TRAPPC9: variants seen among roughly 807,000 people sequenced by gnomAD.
TRAPPC9 encodes the protein trafficking protein particle complex subunit 9, also known as IKK2 binding protein.
Under a neutral mutation model 124.0 loss-of-function variants are expected in TRAPPC9, and 83 were observed. That is an observed-to-expected ratio of 0.67 (90% CI 0.56 to 0.80). The LOEUF is 0.80. TRAPPC9 is among the 30% of genes least tolerant of loss of function. TRAPPC9 has a pLI of 0.00. For missense variants in TRAPPC9, 1,302 were observed against 1,508.3 expected (o/e 0.86, Z 2.27); for synonymous variants, 638 against 617.5 (o/e 1.03, Z -0.49).
chr8:140,408,370 T>C (rs1026240351), intron 5 of TRAPPC9, among the ~76,000 whole-genome samples: 1 of 152,014 alleles, frequency 6.6e-6, no homozygotes, highest in African/African-American at 2.4e-5. Flanking sequence ...AAGAGATAGG[T>C]ACTGAGCTGC....
At chr8:139,737,770 C>A (rs905190189) in intron 21 of TRAPPC9, among the ~76,000 whole-genome samples, 4 of 152,184 alleles carry the variant, frequency 2.6e-5, no homozygotes, top group Non-Finnish European at 5.9e-5. Context: ...CTCTCTGACG[C>A]CCCAGTCTTT....
intron 9 of TRAPPC9, among the ~76,000 whole-genome samples, chr8:140,344,313 G>A (rs2067274918): frequency 6.6e-6 from 1 of 152,200 alleles, no homozygotes; most frequent in African/African-American, 2.4e-5. Flanking sequence ...GCAGTATTTT[G>A]TTAAAGCAAC....
At chr8:140,176,331 C>G (rs1170548283) in intron 17 of TRAPPC9, among the ~76,000 whole-genome samples, 2 of 152,176 alleles carry the variant, frequency 1.3e-5, no homozygotes, top group African/African-American at 2.4e-5. Flanking sequence ...AACGTCCCAC[C>G]CCAAAGCCTC....
chr8:140,262,854 T>A (rs2064477366), intron 15 of TRAPPC9: 1 of 152,194 alleles, frequency 6.6e-6, no homozygotes, highest in South Asian at 2.1e-4. Context: ...ACGGTAGAAG[T>A]GGCATAATTA....
intron 18 of TRAPPC9, among the ~76,000 whole-genome samples, chr8:139,989,100 C>T (rs897567217): frequency 3.3e-5 from 5 of 152,230 alleles, no homozygotes; most frequent in African/African-American, 1.2e-4. Context: ...TCAGCCATGC[C>T]TTTTACCAAC....
At chr8:140,162,510 G>C (rs2061768288) in intron 17 of TRAPPC9, among the ~76,000 whole-genome samples, 1 of 152,144 alleles carries the variant, frequency 6.6e-6, no homozygotes, top group Non-Finnish European at 1.5e-5. Flanking sequence ...ATACATAATA[G>C]GTGCTCAGTA....
At chr8:139,893,138 T>C (rs1830451959) in intron 20 of TRAPPC9, among the ~76,000 whole-genome samples, 1 of 152,236 alleles carries the variant, frequency 6.6e-6, no homozygotes, top group Non-Finnish European at 1.5e-5. Context: ...GGTGAGGGGC[T>C]CCTTCCTCTG....
intron 17 of TRAPPC9, among the ~76,000 whole-genome samples, chr8:140,117,072 T>C (rs1436054587): frequency 6.6e-6 from 1 of 152,100 alleles, no homozygotes; most frequent in Non-Finnish European, 1.5e-5. Flanking sequence ...CACCGCCCCA[T>C]TCTGACCCTT....
At chr8:140,375,572 T>C (rs1434060088) in intron 7 of TRAPPC9, among the ~76,000 whole-genome samples, 2 of 152,234 alleles carry the variant, frequency 1.3e-5, no homozygotes, top group Non-Finnish European at 2.9e-5. Flanking sequence ...GGGCCACATC[T>C]GCATATCCCT....
At chr8:139,989,266 G>A (rs1837469336) in intron 18 of TRAPPC9, among the ~76,000 whole-genome samples, 1 of 152,136 alleles carries the variant, frequency 6.6e-6, no homozygotes, top group Admixed American at 6.5e-5. Context: ...CAGCTACCAG[G>A]TTCCACGCTG....
chr8:139,837,309 C>G (rs549290573), intron 21 of TRAPPC9, among the ~76,000 whole-genome samples: 9 of 152,304 alleles, frequency 5.9e-5, no homozygotes, highest in Non-Finnish European at 1.0e-4. Flanking sequence ...GGCACCACCC[C>G]CAGTGCACAG....
At chr8:139,773,697 G>A (rs943374320) in intron 21 of TRAPPC9, among the ~76,000 whole-genome samples, 9 of 152,206 alleles carry the variant, frequency 5.9e-5, no homozygotes, top group South Asian at 2.1e-4. Context: ...CACTCCAGCC[G>A]GCAGCAAAAC....
In TRAPPC9 at chr8:140,427,372, C is replaced by A. The variant is rs562595082; in HGVS notation, c.860-731G>T. Among the ~76,000 whole-genome samples, 331 of 143,832 alleles carry A rather than the reference C, an allele frequency of 2.3e-3. 2 individuals carry two copies. The highest frequency in any genetic ancestry group is 0.016 in the East Asian group (61 of 3,794). The allele number at this position is 143,832 out of a possible 152,430, so 94.4% of individuals were successfully genotyped here. ...AAAATACATCTCTCTATATATATATCTCTCTCTCACACACACACACACACA... is the reference window on the plus strand; with the variant it reads ...AAAATACATCTCTCTATATATATATATCTCTCTCACACACACACACACACA... On this transcript the variant is annotated intron_variant, in intron 4 of 22. Coordinates refer to ENST00000438773, the MANE Select transcript of TRAPPC9 (RefSeq NM_001160372.4).
In TRAPPC9 at chr8:139,728,302, C is replaced by T. The variant is rs1056393511; in HGVS notation, c.*2759G>A. Among the ~76,000 whole-genome samples, 1 of 152,194 alleles carries T rather than the reference C, an allele frequency of 6.6e-6. No individual in the cohort carries two copies. The highest frequency in any genetic ancestry group is 1.5e-5 in the Non-Finnish European group (1 of 68,042). ...GTCCTGGCCCTGAGGGACCAAGGATCAGAAGGGCAGAACCAACTCGCTCAG... is the reference window on the plus strand; with the variant it reads ...GTCCTGGCCCTGAGGGACCAAGGATTAGAAGGGCAGAACCAACTCGCTCAG... On this transcript the variant is annotated 3_prime_UTR_variant, in exon 23 of 23. Transcript: ENST00000438773.
chr8:140,349,341 G>A (rs868161418), intron 9 of TRAPPC9, among the ~76,000 whole-genome samples: 10 of 145,204 alleles, frequency 6.9e-5, no homozygotes, highest in Non-Finnish European at 1.4e-4. Flanking sequence ...CAAGGGGGCC[G>A]AAGGGGGCGC....
At chr8:140,264,988 C>T (rs1468634741) in intron 15 of TRAPPC9, among the ~76,000 whole-genome samples, 1 of 152,188 alleles carries the variant, frequency 6.6e-6, no homozygotes, top group Admixed American at 6.5e-5. Flanking sequence ...TAAAGCTAAA[C>T]AATACGAGAC....
intron 13 of TRAPPC9, among the ~76,000 whole-genome samples, chr8:140,285,964 G>A (rs935747036): frequency 6.6e-6 from 1 of 152,240 alleles, no homozygotes; most frequent in African/African-American, 2.4e-5. Context: ...AAGACCTACT[G>A]TGTGCCAGGC....
intron 21 of TRAPPC9, among the ~76,000 whole-genome samples, chr8:139,805,567 G>A (rs1284448933): frequency 2.0e-5 from 3 of 152,228 alleles, no homozygotes; most frequent in East Asian, 1.9e-4. Flanking sequence ...GTTCCTCTGG[G>A]AGTCGGGGCT....
chr8:140,121,732 C>T (rs1419461937), intron 17 of TRAPPC9, among the ~76,000 whole-genome samples: 1 of 152,226 alleles, frequency 6.6e-6, no homozygotes, highest in Non-Finnish European at 1.5e-5. Context: ...TTCCACTTCA[C>T]CATCACTTAT....
Sources: gnomAD v4.1 joint callset for allele counts (sites outside exome capture counted in the v4.1 genomes callset) on GRCh38, gnomAD v4.1.1 for gene constraint, MANE v1.5 for transcripts, NCBI Gene and HGNC (gene_info 2026-07-23, HGNC 2026-07-21) for gene names.